Variants in SORCS3 observed in about 807,000 individuals in gnomAD.
The protein encoded by SORCS3 is VPS10 domain-containing receptor SorCS3.
A neutral mutation model predicts 146.3 loss-of-function variants in SORCS3; 57 were observed. The ratio of observed to expected loss-of-function variants is 0.39; its 90% CI spans 0.31 to 0.49. SORCS3 has a LOEUF of 0.49. Among genes scored for constraint, SORCS3 ranks in the 20% least tolerant of loss-of-function variants. The pLI is 0.92. For missense variants in SORCS3, 1,341 were observed against 1,575.5 expected (o/e 0.85, Z 2.52); for synonymous variants, 653 against 618.5 (o/e 1.06, Z -0.83).
chr10:105,162,397 C>T (rs939672593), intron 11 of SORCS3, among the ~76,000 whole-genome samples: 1 of 152,162 alleles, frequency 6.6e-6, no homozygotes, highest in Non-Finnish European at 1.5e-5. Context: ...GGCAGCCACT[C>T]TAGCTGAGCT....
intron 5 of SORCS3, among the ~76,000 whole-genome samples, chr10:105,043,355 A>G (rs536599452): frequency 3.3e-5 from 5 of 152,280 alleles, no homozygotes; most frequent in African/African-American, 7.2e-5. Flanking sequence ...TGCATTTAAC[A>G]TGATCCTTTG....
chr10:105,217,766 T>C (rs182612939), intron 19 of SORCS3: 509 of 452,772 alleles, frequency 1.1e-3, no homozygotes, highest in Non-Finnish European at 1.9e-3. Context: ...ATATTTCATT[T>C]GTGCTGGATG....
At chr10:104,749,085 G>T (rs750661356) in intron 1 of SORCS3, among the ~76,000 whole-genome samples, 2 of 152,158 alleles carry the variant, frequency 1.3e-5, no homozygotes, top group Non-Finnish European at 2.9e-5. Context: ...GGGCTTTTGG[G>T]TAACCTGCTT....
At chr10:104,751,959 A>ATATATATATATG (rs2016992171) in intron 1 of SORCS3, among the ~76,000 whole-genome samples, 5 of 112,032 alleles carry the variant, frequency 4.5e-5, no homozygotes, top group African/African-American at 1.9e-4. Flanking sequence ...ATATATATAT[A>ATATATATATATG]TATATATATA....
chr10:104,957,421 CT>C (rs1184312961), intron 3 of SORCS3, among the ~76,000 whole-genome samples: 2 of 152,096 alleles, frequency 1.3e-5, no homozygotes, highest in Non-Finnish European at 2.9e-5. Flanking sequence ...GGGGTGGATC[CT>C]TTGTGGAGCT....
At chr10:104,799,842 A>C (rs979776292) in intron 1 of SORCS3, among the ~76,000 whole-genome samples, 1 of 151,714 alleles carries the variant, frequency 6.6e-6, no homozygotes, top group African/African-American at 2.4e-5. Flanking sequence ...CGCCTGCCTA[A>C]TTTTTTTGTA....
chr10:104,801,697 A>G (rs2017625909), intron 1 of SORCS3, among the ~76,000 whole-genome samples: 1 of 152,212 alleles, frequency 6.6e-6, no homozygotes, highest in African/African-American at 2.4e-5. Context: ...CTAGGGATGT[A>G]TGTTTTGAAG....
intron 2 of SORCS3, among the ~76,000 whole-genome samples, chr10:104,893,295 G>C (rs986575359): frequency 5.3e-5 from 8 of 152,230 alleles, no homozygotes; most frequent in African/African-American, 1.7e-4. Context: ...GGCTGATGTA[G>C]ATACTCAGCA....
At chr10:105,204,628 AACC>A (rs1416719816) in intron 16 of SORCS3, among the ~76,000 whole-genome samples, 2 of 152,070 alleles carry the variant, frequency 1.3e-5, no homozygotes, top group Admixed American at 1.3e-4. Context: ...GAATATAGAG[AACC>A]ACTTGAGTAA....
At chr10:104,791,857 G>A (rs1208544406) in intron 1 of SORCS3, among the ~76,000 whole-genome samples, 1 of 152,134 alleles carries the variant, frequency 6.6e-6, no homozygotes, top group Admixed American at 6.5e-5. Flanking sequence ...TGAATGAAGA[G>A]GGTTCATTCT....
At chr10:104,976,298 A>G (rs1349130827) in intron 3 of SORCS3, among the ~76,000 whole-genome samples, 3 of 152,224 alleles carry the variant, frequency 2.0e-5, no homozygotes. Context: ...CAGCCAAAAA[A>G]CACATGAAAA....
chr10:105,175,009 C>G (rs2056388173), intron 13 of SORCS3, among the ~76,000 whole-genome samples: 1 of 152,110 alleles, frequency 6.6e-6, no homozygotes, highest in Non-Finnish European at 1.5e-5. Flanking sequence ...ATGCTCATGG[C>G]ACTCACTGCA....
chr10:104,896,333 A>G (rs1315224543), intron 2 of SORCS3, among the ~76,000 whole-genome samples: 1 of 152,204 alleles, frequency 6.6e-6, no homozygotes, highest in Admixed American at 6.5e-5. Flanking sequence ...AAGAATCACA[A>G]TATTTGGCAG....
At chr10:105,036,079 T>A (rs981007496) in intron 4 of SORCS3, among the ~76,000 whole-genome samples, 1 of 152,172 alleles carries the variant, frequency 6.6e-6, no homozygotes, top group Admixed American at 6.5e-5. Flanking sequence ...CTTAGACCAA[T>A]GCACACTGAT....
chr10:104,718,049 G>C (rs1001610207), intron 1 of SORCS3, among the ~76,000 whole-genome samples: 1 of 152,134 alleles, frequency 6.6e-6, no homozygotes, highest in Non-Finnish European at 1.5e-5. Flanking sequence ...AGGAGACTGC[G>C]GCAGGAGAAT....
intron 3 of SORCS3, among the ~76,000 whole-genome samples, chr10:104,968,844 T>C (rs558284791): frequency 6.6e-6 from 1 of 152,372 alleles, no homozygotes; most frequent in Admixed American, 6.5e-5. Context: ...TCCACAGATA[T>C]ATTTAATTTG....
intron 1 of SORCS3, among the ~76,000 whole-genome samples, chr10:104,807,972 A>G (rs916846449): frequency 6.6e-5 from 10 of 152,208 alleles, no homozygotes; most frequent in South Asian, 2.1e-4. Flanking sequence ...TTAAATGTAT[A>G]TTATGGTGTT....
At chr10:105,122,554 A>G (rs1168712786) in intron 7 of SORCS3, among the ~76,000 whole-genome samples, 1 of 152,186 alleles carries the variant, frequency 6.6e-6, no homozygotes, top group East Asian at 1.9e-4. Flanking sequence ...ATAATCTTGT[A>G]TTGAGCACTT....
chr10:105,167,442 T>G (rs2056323404), intron 13 of SORCS3, 93 bp downstream of exon 13: 1 of 858,458 alleles, frequency 1.2e-6, no homozygotes, highest in Non-Finnish European at 1.9e-6. Flanking sequence ...TTTGTACCCA[T>G]TTGTACATTT....
Sources: gnomAD v4.1 joint callset for allele counts (sites outside exome capture counted in the v4.1 genomes callset) on GRCh38, gnomAD v4.1.1 for gene constraint, MANE v1.5 for transcripts, NCBI Gene and HGNC (gene_info 2026-07-23, HGNC 2026-07-21) for gene names.